Variants in CNTNAP5 observed in about 807,000 individuals in gnomAD.
The protein encoded by CNTNAP5 is contactin-associated protein-like 5.
A neutral mutation model predicts 150.2 loss-of-function variants in CNTNAP5; 72 were observed. That is an observed-to-expected ratio of 0.48 (90% confidence interval 0.40 to 0.58). The LOEUF (loss-of-function observed/expected upper bound fraction) is 0.58. Ranked by LOEUF, CNTNAP5 falls within the 20% of genes least tolerant of loss-of-function variation. CNTNAP5 has a pLI of 0.00. For synonymous variants in CNTNAP5, 672 were observed against 619.8 expected, an observed-to-expected ratio of 1.08 and a Z score of -1.25; for missense variants, 1,636 against 1,626.2, an observed-to-expected ratio of 1.01 and a Z score of -0.10.
intron 22 of CNTNAP5, among the ~76,000 whole-genome samples, chr2:124,905,217 A>C (rs1017319764): frequency 7.3e-5 from 11 of 151,158 alleles, no homozygotes; most frequent in African/African-American, 2.7e-4. Flanking sequence ...AATGCAAACC[A>C]AAACCACAAT....
At chr2:124,851,297 A>C (rs1683149958) in intron 19 of CNTNAP5, among the ~76,000 whole-genome samples, 1 of 152,220 alleles carries the variant, frequency 6.6e-6, no homozygotes. Flanking sequence ...CAGAGGCTAC[A>C]GTAAGCCAAG....
At chr2:124,101,809 G>T (rs1332141536) in intron 1 of CNTNAP5, among the ~76,000 whole-genome samples, 1 of 152,170 alleles carries the variant, frequency 6.6e-6, no homozygotes, top group Non-Finnish European at 1.5e-5. Context: ...ACAACCTGGG[G>T]TACCTAAATG....
intron 11 of CNTNAP5, among the ~76,000 whole-genome samples, chr2:124,597,348 A>T (rs2104967823): frequency 6.7e-6 from 1 of 148,634 alleles, no homozygotes; most frequent in South Asian, 2.2e-4. Context: ...GTGGTGACAA[A>T]ATCTCTCAGC....
chr2:124,301,857 C>G (rs550611067), intron 3 of CNTNAP5, among the ~76,000 whole-genome samples: 1 of 152,312 alleles, frequency 6.6e-6, no homozygotes, highest in African/African-American at 2.4e-5. Flanking sequence ...CACTGAAGTA[C>G]TGTTATGGAC....
chr2:124,520,689 G>T (rs751953230), intron 8 of CNTNAP5, among the ~76,000 whole-genome samples: 4 of 151,972 alleles, frequency 2.6e-5, no homozygotes, highest in Admixed American at 6.6e-5. Flanking sequence ...CCCCATATTG[G>T]CCCTCAATAT....
At position 124,915,143 on chromosome 2, in the gene CNTNAP5, T is replaced by C. The variant is rs1039804553; in HGVS notation, c.*855T>C. ...ATTATTATACTGAGATATATATATA[T>C]ACACACACACACACATATGTGTATA... On this transcript the variant is annotated 3_prime_UTR_variant, in exon 24 of 24. Transcript: ENST00000682447. 1.0e-3 allele frequency: 168 copies of C among 164,278 alleles called. 1 individual carries two copies. The highest frequency in any genetic ancestry group is 2.4e-4 in the African/African-American group (10 of 41,022). 10.2% of individuals were successfully genotyped at this position (164,278 alleles called of 1,614,324 possible).
intron 3 of CNTNAP5, among the ~76,000 whole-genome samples, chr2:124,395,866 G>T (rs1207013550): frequency 6.6e-6 from 1 of 152,080 alleles, no homozygotes; most frequent in African/African-American, 2.4e-5. Flanking sequence ...TTGGGCAAAT[G>T]CTAGAACAGA....
At chr2:124,791,986 C>T (rs768643884) in intron 18 of CNTNAP5, among the ~76,000 whole-genome samples, 6 of 152,064 alleles carry the variant, frequency 3.9e-5, no homozygotes, top group Non-Finnish European at 8.8e-5. Flanking sequence ...ATCTTTGAGC[C>T]CTGCCAACTG....
At chr2:124,201,425 A>G (rs1260055591) in intron 1 of CNTNAP5, among the ~76,000 whole-genome samples, 2 of 152,262 alleles carry the variant, frequency 1.3e-5, no homozygotes, top group African/African-American at 4.8e-5. Context: ...TCCGTTATGT[A>G]TGATCACATT....
chr2:124,667,073 T>C (rs752422864), intron 13 of CNTNAP5, among the ~76,000 whole-genome samples: 7 of 152,196 alleles, frequency 4.6e-5, no homozygotes, highest in East Asian at 1.9e-4. Flanking sequence ...TAGAAGTCCA[T>C]TGATATTATA....
intron 19 of CNTNAP5, among the ~76,000 whole-genome samples, chr2:124,828,642 A>G (rs1374126326): frequency 6.7e-6 from 1 of 149,042 alleles, no homozygotes; most frequent in Admixed American, 6.8e-5. Flanking sequence ...TTAGCCTGAG[A>G]AATGGCTTCT....
intron 19 of CNTNAP5, among the ~76,000 whole-genome samples, chr2:124,804,265 G>C (rs1682035243): frequency 6.6e-6 from 1 of 152,190 alleles, no homozygotes; most frequent in Non-Finnish European, 1.5e-5. Flanking sequence ...TGGATGATAA[G>C]GGCAGGACAG....
chr2:124,262,664 TA>T (rs1218219910), intron 3 of CNTNAP5, among the ~76,000 whole-genome samples: 2 of 151,368 alleles, frequency 1.3e-5, no homozygotes, highest in Non-Finnish European at 2.9e-5. Context: ...TTTTTTTTTT[TA>T]ATACTTTAAG....
rs1238544974 is a variant in CNTNAP5, at chr2:124,772,717, C to CA, written c.2534-80dup. ...TCTTCTCTATATTGATACTGACTTA[C>CA]AATCGTTTCTCCCACTCAAGCCTGT... On this transcript the variant is annotated intron_variant, in intron 16 of 23. Coordinates refer to ENST00000682447, the MANE Select transcript of CNTNAP5 (RefSeq NM_001367498.1). 6.5e-5 allele frequency: 66 copies of CA among 1,009,020 alleles called. No homozygotes were observed. In the African/African-American group the frequency reaches 9.8e-4, roughly 15 times the overall value. The allele number at this position is 1,009,020 out of a possible 1,614,324, so 62.5% of individuals were successfully genotyped here. A position where few individuals can be genotyped will look rare whatever the true frequency, so the allele number is the denominator to read the frequency against.
chr2:124,368,938 C>T (rs1690447272), intron 3 of CNTNAP5, among the ~76,000 whole-genome samples: 1 of 152,106 alleles, frequency 6.6e-6, no homozygotes, highest in East Asian at 1.9e-4. Context: ...CTACTGAATA[C>T]CCATTTTATC....
chr2:124,372,009 G>A (rs1283989853), intron 3 of CNTNAP5, among the ~76,000 whole-genome samples: 2 of 152,044 alleles, frequency 1.3e-5, no homozygotes, highest in Admixed American at 6.6e-5. Flanking sequence ...TGACATGTGT[G>A]AGTCAGTAGA....
At chr2:124,524,182 G>A (rs376171045) in intron 8 of CNTNAP5, 121 bp from the exon 9 acceptor site, 44 of 851,978 alleles carry the variant, frequency 5.2e-5, no homozygotes, top group East Asian at 4.0e-4. Flanking sequence ...GTATCCAGCC[G>A]AGTGAGGAGT....
chr2:124,221,823 C>G lies in CNTNAP5; in HGVS notation c.187+14C>G. On this transcript the variant is annotated intron_variant, in intron 2 of 23. Transcript: ENST00000682447. ...ACTGGAGAGTTGGTAAGTAGGCTGA[C>G]TGAAATCCTAATGCCAAGCACTAAA... 6.5e-7 allele frequency: 1 copy of G among 1,534,122 alleles called. No individual in the cohort carries two copies. The highest frequency in any genetic ancestry group is 9.0e-7 in the Non-Finnish European group (1 of 1,114,246).
intron 13 of CNTNAP5, among the ~76,000 whole-genome samples, chr2:124,726,153 A>G (rs768880730): frequency 4.6e-5 from 7 of 151,794 alleles, no homozygotes; most frequent in Non-Finnish European, 8.8e-5. Flanking sequence ...CCTTTTAATT[A>G]CAGCCATTCA....
Sources: gnomAD v4.1 joint callset for allele counts (sites outside exome capture counted in the v4.1 genomes callset) on GRCh38, gnomAD v4.1.1 for gene constraint, MANE v1.5 for transcripts, NCBI Gene and HGNC (gene_info 2026-07-23, HGNC 2026-07-21) for gene names.